TAC3: variants seen among roughly 807,000 people sequenced by gnomAD.
TAC3 encodes the protein tachykinin precursor 3, also known as tachykinin-3.
A neutral mutation model predicts 16.5 loss-of-function variants in TAC3; 9 were observed. The observed-to-expected ratio is 0.55, with a 90% confidence interval of 0.33 to 0.95. The LOEUF is 0.95. Among genes scored for constraint, TAC3 ranks in the 40% least tolerant of loss-of-function variants. The pLI, the probability that TAC3 is intolerant of heterozygous loss-of-function variation, is 0.03. For missense variants in TAC3, 129 were observed against 149.1 expected (o/e 0.87, Z 0.70); for synonymous variants, 52 against 56.7 (o/e 0.92, Z 0.37).
At chr12:57,016,294 T>A in intron 1 of TAC3, 93 bp downstream of exon 1, 1 of 364,934 alleles carries the variant, frequency 2.7e-6, no homozygotes, top group South Asian at 2.0e-5. Flanking sequence ...TGCTCCCCTA[T>A]CAGAGGCTGC....
At chr12:57,012,258 G>A in intron 6 of TAC3, 120 bp downstream of exon 6, 1 of 928,870 alleles carries the variant, frequency 1.1e-6, no homozygotes, top group Non-Finnish European at 1.7e-6. Context: ...GGCATTGGCA[G>A]TGTATTTCAG....
In TAC3 at chr12:57,013,372, T is replaced by C; in HGVS notation, c.225A>G (p.Thr75=). ...GAGGGTACTTACGTTTCTCGGGAGATGTTGATTCCTTAGGATCTGTGAAAC... is the reference window on the plus strand; with the variant it reads ...GAGGGTACTTACGTTTCTCGGGAGACGTTGATTCCTTAGGATCTGTGAAAC... ...SQASTDPKES[T]SPEKRDMHDF... Residue 75 remains threonine, a synonymous_variant, in exon 4 of 7, where the codon ACA becomes ACG. Transcript: ENST00000458521. 1.2e-6 allele frequency: 2 copies of C among 1,614,028 alleles called. No individual in the cohort carries two copies. Among genetic ancestry groups the C allele is most frequent in the Non-Finnish European group, 8.5e-7 (1 of 1,179,940 alleles).
At chr12:57,012,055 A>G (rs1439104438) in intron 6 of TAC3, 5 of 359,026 alleles carry the variant, frequency 1.4e-5, no homozygotes, top group Non-Finnish European at 2.6e-5. Context: ...CTTTTTGCAT[A>G]GATTACAAAA....
intron 2 of TAC3, 143 bp from the exon 3 acceptor site, chr12:57,013,814 A>G (rs962529288): frequency 1.3e-6 from 1 of 741,764 alleles, no homozygotes; most frequent in Non-Finnish European, 2.3e-6. Flanking sequence ...TTCACACTGG[A>G]CGAGAAGTAG....
In TAC3 at chr12:57,013,373, G is replaced by T. The variant is rs775517999; in HGVS notation, c.224C>A (p.Thr75Lys). The T allele has an allele frequency of 6.2e-7, 1 of 1,614,102 alleles. No individual in the cohort carries two copies. The highest frequency in any genetic ancestry group is 1.3e-5 in the African/African-American group (1 of 75,048). Residue 75 changes from threonine (T) to lysine (K), a missense_variant, in exon 4 of 7, where the codon ACA becomes AAA. Thr to Lys is a moderately conservative substitution (Grantham distance 78). Coordinates refer to ENST00000458521, the MANE Select transcript of TAC3 (RefSeq NM_013251.4). ...SQASTDPKES[T>K]SPEKRDMHDF... Reference sequence around the variant, plus strand: ...AGGGTACTTACGTTTCTCGGGAGATGTTGATTCCTTAGGATCTGTGAAACC... The same window carrying T: ...AGGGTACTTACGTTTCTCGGGAGATTTTGATTCCTTAGGATCTGTGAAACC...
Position 57,016,432 on chromosome 12 carries a change from A to C in TAC3, c.-51T>G, listed in dbSNP as rs565986817. On this transcript the variant is annotated 5_prime_UTR_variant, in exon 1 of 7. Coordinates refer to ENST00000458521, the MANE Select transcript of TAC3 (RefSeq NM_013251.4). ...GGGGGCTGGGTGGTCTGGCAGGATC[A>C]AGGAACTGGCTAGGACCGCTGCCTG... The C allele has an allele frequency of 4.0e-4, 182 of 454,262 alleles. 1 individual carries two copies. Among genetic ancestry groups the C allele is most frequent in the African/African-American group, 3.3e-3 (163 of 50,102 alleles). 28.1% of individuals were successfully genotyped at this position (454,262 alleles called of 1,614,324 possible). A position where few individuals can be genotyped will look rare whatever the true frequency, so the allele number is the denominator to read the frequency against.
intron 6 of TAC3, 29 bp downstream of exon 6, chr12:57,012,349 C>A (rs766898977): frequency 3.7e-6 from 6 of 1,602,560 alleles, no homozygotes; most frequent in South Asian, 1.1e-5. Flanking sequence ...CCCCAGTCCC[C>A]TCTCCCCTCT....
At chr12:57,012,770 C>A in intron 5 of TAC3, 52 bp downstream of exon 5, 1 of 1,614,022 alleles carries the variant, frequency 6.2e-7, no homozygotes, top group South Asian at 1.1e-5. Context: ...TGACTTCTGT[C>A]ATACTCTGCC....
chr12:57,012,514 C>A, intron 5 of TAC3, 62 bp from the exon 6 acceptor site: 1 of 1,608,350 alleles, frequency 6.2e-7, no homozygotes, highest in East Asian at 2.2e-5. Flanking sequence ...ACACCCTGAT[C>A]CAACAGCAAA....
intron 6 of TAC3, among the ~76,000 whole-genome samples, chr12:57,011,279 C>A (rs939331486): frequency 5.3e-5 from 8 of 152,156 alleles, no homozygotes; most frequent in Non-Finnish European, 1.0e-4. Context: ...CACCTTGAGA[C>A]CAGTGAGTAT....
rs1257127898 is a variant in TAC3 at position 57,011,645 on chromosome 12, C to T, written c.*1+733G>A. Among the ~76,000 whole-genome samples the T allele has an allele frequency of 4.6e-5, 7 of 152,164 alleles. No individual in the cohort carries two copies. In the South Asian group the frequency reaches 6.2e-4, roughly 14 times the overall value. ...AAATTGGCACACAGCACTGTGCACC[C>T]GGCACTGTTCTGAACACTTTACCTA... On this transcript the variant is annotated intron_variant, in intron 6 of 6. Transcript: ENST00000458521.
At chr12:57,016,270 C>T in intron 1 of TAC3, 117 bp downstream of exon 1, 1 of 355,154 alleles carries the variant, frequency 2.8e-6, no homozygotes, top group Non-Finnish European at 5.6e-6. Flanking sequence ...TTTGTGCTCA[C>T]CTTCCCAGTC....
In TAC3 at chr12:57,013,679, A is replaced by G; in HGVS notation, c.115-8T>C. ...GTAGAGATCTGGATCCCTCTAGGGA[A>G]GAAACAAAGAGGGGTGAGGCAGGAG... On this transcript the variant is annotated splice_region_variant and splice_polypyrimidine_tract_variant and intron_variant, in intron 2 of 6. Coordinates refer to ENST00000458521, the MANE Select transcript of TAC3 (RefSeq NM_013251.4). The G allele has an allele frequency of 1.2e-6, 2 of 1,607,992 alleles. No homozygotes were observed.
At chr12:57,016,241 C>G (rs984864526) in intron 1 of TAC3, 146 bp downstream of exon 1, 1 of 350,622 alleles carries the variant, frequency 2.9e-6, no homozygotes, top group African/African-American at 2.1e-5. Flanking sequence ...CACCAACCAG[C>G]TCTCGGCCCT....
At chr12:57,013,004 C>T (rs1269511873) in intron 4 of TAC3, 129 bp from the exon 5 acceptor site, 6 of 1,192,574 alleles carry the variant, frequency 5.0e-6, no homozygotes, top group Non-Finnish European at 7.4e-6. Flanking sequence ...CATGACTCCT[C>T]ACAGTTAGCA....
At chr12:57,012,539 G>C in intron 5 of TAC3, 87 bp from the exon 6 acceptor site, 1 of 1,600,876 alleles carries the variant, frequency 6.2e-7, no homozygotes, top group Non-Finnish European at 8.6e-7. Context: ...TGGCTATGAC[G>C]GGCAGTGTTC....
intron 1 of TAC3, among the ~76,000 whole-genome samples, chr12:57,016,133 A>C (rs1956370646): frequency 6.6e-6 from 1 of 152,144 alleles, no homozygotes. Flanking sequence ...CAGCTGGAGG[A>C]GGGATCCTGG....
chr12:57,012,573 G>C, intron 5 of TAC3, 121 bp from the exon 6 acceptor site: 4 of 1,600,492 alleles, frequency 2.5e-6, no homozygotes, highest in Middle Eastern at 3.3e-4. Flanking sequence ...GGAGACTGGG[G>C]TGGAAGCAGA....
rs765723562 is a variant in TAC3, at chr12:57,010,166, A to G, written c.*124T>C. 2.4e-5 allele frequency: 11 copies of G among 454,032 alleles called. No individual in the cohort carries two copies. Among genetic ancestry groups the G allele is most frequent in the Non-Finnish European group, 4.4e-5 (10 of 226,802 alleles). The allele number at this position is 454,032 out of a possible 1,614,324, so 28.1% of individuals were successfully genotyped here. The stretch of plus-strand genomic sequence containing the variant: ...GGTCAGGTAGAAAAGATGGAGAAGG[A>G]GTCAAAGCACAAGAATGTTACAAGA... On this transcript the variant is annotated 3_prime_UTR_variant, in exon 7 of 7. Coordinates refer to ENST00000458521, the MANE Select transcript of TAC3 (RefSeq NM_013251.4).
Sources: allele counts gnomAD v4.1 joint callset (sites outside exome capture counted in the v4.1 genomes callset), GRCh38; gene constraint gnomAD v4.1.1; transcripts MANE v1.5; gene names NCBI Gene and HGNC (gene_info 2026-07-23, HGNC 2026-07-21).